ANTXR2: variants seen among roughly 807,000 people sequenced by gnomAD.
ANTXR2 encodes the protein ANTXR cell adhesion molecule 2.
ANTXR2 carries 44 observed loss-of-function variants against 73.7 expected under a neutral mutation model. The observed-to-expected ratio is 0.60, with a 90% CI of 0.47 to 0.77. The LOEUF is 0.77. Among genes scored for constraint, ANTXR2 ranks in the 30% least tolerant of loss-of-function variants. The pLI is 0.00. For synonymous variants in ANTXR2, 217 were observed against 205.9 expected, an observed-to-expected ratio of 1.05 and a Z score of -0.46; for missense variants, 604 against 592.5, an observed-to-expected ratio of 1.02 and a Z score of -0.20.
intron 3 of ANTXR2, among the ~76,000 whole-genome samples, chr4:80,067,393 G>A (rs1470405724): frequency 1.3e-5 from 2 of 152,168 alleles, no homozygotes; most frequent in African/African-American, 4.8e-5. Context: ...AAAGTGCTGA[G>A]GAACCATATG....
At chr4:80,056,598 C>T (rs895324854) in intron 3 of ANTXR2, among the ~76,000 whole-genome samples, 3 of 151,604 alleles carry the variant, frequency 2.0e-5, no homozygotes, top group Non-Finnish European at 4.4e-5. Flanking sequence ...ATAGTAGGTA[C>T]TTAATACATA....
At chr4:80,011,651 C>T (rs1046428448) in intron 11 of ANTXR2, among the ~76,000 whole-genome samples, 2 of 152,178 alleles carry the variant, frequency 1.3e-5, no homozygotes, top group Non-Finnish European at 2.9e-5. Context: ...CTTCATCTGA[C>T]TCTTAAGTCC....
At chr4:80,049,900 G>C (rs1733697310) in intron 7 of ANTXR2, among the ~76,000 whole-genome samples, 1 of 151,624 alleles carries the variant, frequency 6.6e-6, no homozygotes, top group Non-Finnish European at 1.5e-5. Context: ...ATGTCTCTCG[G>C]AGCCCAGCTC....
intron 16 of ANTXR2, among the ~76,000 whole-genome samples, chr4:79,929,892 C>T (rs1466047184): frequency 6.6e-6 from 1 of 151,926 alleles, no homozygotes; most frequent in African/African-American, 2.4e-5. Context: ...CTTTTTATAC[C>T]CCAAGTGCTT....
chr4:80,043,236 A>G (rs2110095022), intron 7 of ANTXR2, among the ~76,000 whole-genome samples: 1 of 145,030 alleles, frequency 6.9e-6, no homozygotes, highest in East Asian at 2.1e-4. Flanking sequence ...TTGAGTTCTA[A>G]ATTCTGATAT....
intron 1 of ANTXR2, 82 bp from the exon 2 acceptor site, chr4:80,071,736 GC>G: frequency 8.5e-7 from 1 of 1,172,566 alleles, no homozygotes; most frequent in Non-Finnish European, 1.3e-6. Flanking sequence ...CTTCTTCAAT[GC>G]CACGAACATA....
At chr4:79,925,572 G>T (rs1727751177) in intron 16 of ANTXR2, among the ~76,000 whole-genome samples, 1 of 151,856 alleles carries the variant, frequency 6.6e-6, no homozygotes, top group Admixed American at 6.6e-5. Flanking sequence ...TAATTTTCAG[G>T]ACCTACATTT....
At chr4:79,927,366 G>C (rs1458640757) in intron 16 of ANTXR2, among the ~76,000 whole-genome samples, 2 of 151,600 alleles carry the variant, frequency 1.3e-5, no homozygotes, top group African/African-American at 4.8e-5. Context: ...GATCTGTTTT[G>C]CTGTATTAAT....
intron 12 of ANTXR2, among the ~76,000 whole-genome samples, chr4:80,004,143 A>C (rs975354002): frequency 6.6e-6 from 1 of 152,024 alleles, no homozygotes; most frequent in Non-Finnish European, 1.5e-5. Context: ...TGCTGAATGA[A>C]AAAAAGCCAG....
intron 16 of ANTXR2, among the ~76,000 whole-genome samples, chr4:79,912,649 C>A (rs1212507862): frequency 6.6e-6 from 1 of 152,000 alleles, no homozygotes; most frequent in Non-Finnish European, 1.5e-5. Context: ...AACTTACATT[C>A]TTTGACTCAG....
chr4:80,054,332 G>A lies in ANTXR2; in HGVS notation c.576C>T (p.Ser192=). 1 of 1,592,096 alleles carries A rather than the reference G, an allele frequency of 6.3e-7. No homozygotes were observed. The highest frequency in any genetic ancestry group is 1.1e-5 in the South Asian group (1 of 87,076). ...EQAQLERIAD[S]KEQVFPVKGG... ...CTTTGACAGGGAAAACTTGCTCCTT[G>A]GAATCAGCAATTCTTTCAAGCTTTA... The change falls in exon 7 of 17, where the codon TCC becomes TCT. Residue 192 remains serine (S), a synonymous_variant. Coordinates refer to ENST00000403729, the MANE Select transcript of ANTXR2 (RefSeq NM_058172.6).
intron 7 of ANTXR2, among the ~76,000 whole-genome samples, chr4:80,050,853 A>G (rs1227118802): frequency 6.6e-6 from 1 of 151,664 alleles, no homozygotes; most frequent in Non-Finnish European, 1.5e-5. Context: ...TGGCCATTAT[A>G]TAAATCCCAT....
intron 10 of ANTXR2, among the ~76,000 whole-genome samples, chr4:80,027,573 T>C (rs1420413308): frequency 6.6e-6 from 1 of 152,198 alleles, no homozygotes; most frequent in African/African-American, 2.4e-5. Flanking sequence ...CTGATTTAGA[T>C]ATTTATTTCA....
chr4:79,981,345 A>T (rs1729882503), intron 14 of ANTXR2, among the ~76,000 whole-genome samples: 1 of 152,170 alleles, frequency 6.6e-6, no homozygotes, highest in Non-Finnish European at 1.5e-5. Flanking sequence ...ACCTCATCTG[A>T]TGGGTCACAG....
At chr4:80,012,627 G>A (rs1415071497) in intron 11 of ANTXR2, among the ~76,000 whole-genome samples, 1 of 152,114 alleles carries the variant, frequency 6.6e-6, no homozygotes, top group Non-Finnish European at 1.5e-5. Flanking sequence ...GGCAACTTGT[G>A]GAAGTGTTCA....
chr4:80,018,244 G>A (rs886296318), intron 11 of ANTXR2, among the ~76,000 whole-genome samples: 1 of 152,086 alleles, frequency 6.6e-6, no homozygotes, highest in Non-Finnish European at 1.5e-5. Flanking sequence ...CCTGTTTAGT[G>A]CTGCCCGTTT....
intron 10 of ANTXR2, among the ~76,000 whole-genome samples, chr4:80,020,955 TGGCTAACAC>T (rs1273287802): frequency 6.6e-6 from 1 of 151,982 alleles, no homozygotes; most frequent in Non-Finnish European, 1.5e-5. Flanking sequence ...GAGACCATCC[TGGCTAACAC>T]GGTGAAACCC....
chr4:79,953,481 T>A (rs1728781847), intron 16 of ANTXR2, among the ~76,000 whole-genome samples: 1 of 152,170 alleles, frequency 6.6e-6, no homozygotes, highest in Admixed American at 6.6e-5. Context: ...AAATTATGAC[T>A]GTGCCAACAG....
rs1726810390 is a variant in ANTXR2 at position 79,903,959 on chromosome 4, AAT to A, written c.*3468_*3469del. On this transcript the variant is annotated 3_prime_UTR_variant, in exon 17 of 17. Transcript: ENST00000403729. Reference sequence around the variant, plus strand: ...TGCTAGTAAAAGCTAACCAATATACAATATATGCATGGAGTAGGAAGTTATAA... The same window carrying A: ...TGCTAGTAAAAGCTAACCAATATACAATATGCATGGAGTAGGAAGTTATAA... 2.0e-5 allele frequency: 3 copies of A among 152,162 alleles called. No individual in the cohort carries two copies. Among genetic ancestry groups the A allele is most frequent in the Admixed American group, 1.3e-4 (2 of 15,264 alleles). The allele number at this position is 152,162 out of a possible 1,614,324, so 9.4% of individuals were successfully genotyped here.
Sources: gnomAD v4.1 joint callset for allele counts (sites outside exome capture counted in the v4.1 genomes callset) on GRCh38, gnomAD v4.1.1 for gene constraint, MANE v1.5 for transcripts, NCBI Gene and HGNC (gene_info 2026-07-23, HGNC 2026-07-21) for gene names.